Variants in NAT16 observed in about 807,000 individuals in gnomAD.
NAT16 encodes probable N-acetyltransferase 16.
NAT16 carries 16 observed loss-of-function variants against 15.9 expected under a neutral mutation model. The observed-to-expected ratio is 1.01, with a 90% CI of 0.68 to 1.53. The LOEUF is 1.53. Ranked by LOEUF, NAT16 falls within the 40% of genes most tolerant of loss-of-function variation. The probability of loss-of-function intolerance (pLI) is 0.00; values close to 1 mark genes in which losing one functional copy is unlikely to be tolerated. For missense variants in NAT16, 572 were observed against 508.4 expected (o/e 1.13, Z -1.20); for synonymous variants, 260 against 241.9 (o/e 1.07, Z -0.69).
At position 101,173,395 on chromosome 7, in the gene NAT16, C is replaced by T. The variant is rs1797385957; in HGVS notation, c.438G>A (p.Leu146=). 2 of 1,613,868 alleles carry T rather than the reference C, an allele frequency of 1.2e-6. No homozygotes were observed. Among genetic ancestry groups the T allele is most frequent in the East Asian group, 2.2e-5 (1 of 44,874 alleles). Residue 146 remains leucine, a synonymous_variant, in exon 3 of 4, where the codon CTG becomes CTA. Transcript: ENST00000300303. ...TGACCCCCGGGTGCTGTCTCTTGACCAGCTGCGAGCAGAAGCGCTGCAGCA... is the reference window on the plus strand; with the variant it reads ...TGACCCCCGGGTGCTGTCTCTTGACTAGCTGCGAGCAGAAGCGCTGCAGCA... ...AGLLQRFCSQ[L]VKRQHPGVKV... is the part of the protein sequence containing the mutation.
Position 101,174,705 on chromosome 7 carries a change from C to A in NAT16, c.103G>T (p.Glu35Ter), listed in dbSNP as rs1434832979. The change falls in exon 2 of 4, where the codon GAG (glutamate) becomes TAG (stop). Residue 35 changes from glutamate (E) to a stop codon, truncating the protein, a stop_gained. Coordinates refer to ENST00000300303, the MANE Select transcript of NAT16 (RefSeq NM_198571.3). LOFTEE classifies it high-confidence loss of function. ...CCCGACCTGGGCTCGGCCTCCACCT[C>A]CTGTGGCCGGGTTTCAGAGCTTGGC... Reference protein sequence around the residue: ...AEPSSETRPQEVEAEPRSGSG... With the variant: ...AEPSSETRPQ The A allele has an allele frequency of 6.2e-7, 1 of 1,613,340 alleles. No individual in the cohort carries two copies. Among genetic ancestry groups the A allele is most frequent in the South Asian group, 1.1e-5 (1 of 91,086 alleles).
intron 1 of NAT16, among the ~76,000 whole-genome samples, chr7:101,176,035 G>A (rs1797457743): frequency 6.6e-6 from 1 of 151,860 alleles, no homozygotes; most frequent in African/African-American, 2.4e-5. Flanking sequence ...CCACAAGAAA[G>A]TTCCCAGAGA....
chr7:101,173,694 C>T (rs1797397499), intron 2 of NAT16, 174 bp from the exon 3 acceptor site: 3 of 560,318 alleles, frequency 5.4e-6, no homozygotes, highest in Non-Finnish European at 9.2e-6. Flanking sequence ...GCCGGCAGAA[C>T]AGTCATTCGC....
At position 101,175,831 on chromosome 7, in the gene NAT16, A is replaced by G. The variant is rs560117992; in HGVS notation, c.-4-1020T>C. Reference sequence around the variant, plus strand: ...CCAGCTGCTCTGAGGCTGAAGTGGGAGGATCGTTTGAGCCAAGGAGACAAA... The same window carrying G: ...CCAGCTGCTCTGAGGCTGAAGTGGGGGGATCGTTTGAGCCAAGGAGACAAA... On this transcript the variant is annotated intron_variant, in intron 1 of 3. Coordinates refer to ENST00000300303, the MANE Select transcript of NAT16 (RefSeq NM_198571.3). 3.3e-5 allele frequency among the ~76,000 whole-genome samples: 5 copies of G among 151,348 alleles called. No individual in the cohort carries two copies. The South Asian group carries it at 1.0e-3, about 32-fold the overall frequency.
chr7:101,177,898 A>G (rs1797501336), intron 1 of NAT16, among the ~76,000 whole-genome samples: 1 of 152,154 alleles, frequency 6.6e-6, no homozygotes, highest in Non-Finnish European at 1.5e-5. Flanking sequence ...TCTGAGGACA[A>G]TGGGTCCCAG....
At position 101,172,619 on chromosome 7, in the gene NAT16, C is replaced by A; in HGVS notation, c.570G>T (p.Ala190=). The A allele has an allele frequency of 6.6e-7, 1 of 1,524,356 alleles. No homozygotes were observed. Among genetic ancestry groups the A allele is most frequent in the Non-Finnish European group, 8.7e-7 (1 of 1,144,242 alleles). 94.4% of individuals were successfully genotyped at this position (1,524,356 alleles called of 1,614,324 possible). A position where few individuals can be genotyped will look rare whatever the true frequency, so the allele number is the denominator to read the frequency against. The change falls in exon 4 of 4, where the codon GCG becomes GCT. Residue 190 remains alanine, a synonymous_variant. Transcript: ENST00000300303. The surrounding 1 kb of genome is among the most constrained non-coding windows in gnomAD (Gnocchi z 4.2). The stretch of plus-strand genomic sequence containing the variant: ...GCCGCGCGCCCAGCCCGGCCAGCAG[C>A]GCGGACGCGTTGAATCGGACCAAAA... ...GILLVRFNAS[A]LLAGLGARLA...
rs919003765 is a variant in NAT16 at position 101,171,384 on chromosome 7, G to C, written c.*695C>G. On this transcript the variant is annotated 3_prime_UTR_variant, in exon 4 of 4. Transcript: ENST00000300303. ...TACAGTATCACTCTCTCTCTCTCTG[G>C]ATTGCACACTGGGCTGGTGATGGGA... is the stretch of plus-strand genomic sequence containing the variant. 5.9e-5 allele frequency: 9 copies of C among 152,394 alleles called. No individual in the cohort carries two copies. The highest frequency in any genetic ancestry group is 2.2e-4 in the African/African-American group (9 of 41,450). The allele number at this position is 152,394 out of a possible 1,614,324, so 9.4% of individuals were successfully genotyped here. A position where few individuals can be genotyped will look rare whatever the true frequency, so the allele number is the denominator to read the frequency against.
chr7:101,175,549 C>G (rs542449149), intron 1 of NAT16, among the ~76,000 whole-genome samples: 1 of 151,930 alleles, frequency 6.6e-6, no homozygotes, highest in Non-Finnish European at 1.5e-5. Flanking sequence ...AAACTTAGAA[C>G]CCTGTGAGAT....
chr7:101,176,737 C>A (rs1480360715), intron 1 of NAT16, among the ~76,000 whole-genome samples: 1 of 152,038 alleles, frequency 6.6e-6, no homozygotes, highest in East Asian at 1.9e-4. Context: ...CCTGTCTCTT[C>A]CAGATCAGCC....
Position 101,172,077 on chromosome 7 carries a change from C to A in NAT16, c.*2G>T. 1 of 1,602,854 alleles carries A rather than the reference C, an allele frequency of 6.2e-7. No homozygotes were observed. The highest frequency in any genetic ancestry group is 8.5e-7 in the Non-Finnish European group (1 of 1,171,690). ...TTCCCCCTCCCCGCCAGAGGAGAGG[C>A]CTCAGATGTCGGCCTCCAGCAGGTA... is the stretch of plus-strand genomic sequence containing the variant. On this transcript the variant is annotated 3_prime_UTR_variant, in exon 4 of 4. Transcript: ENST00000300303. This position sits in a 1 kb window ranked among gnomAD's most constrained non-coding sequence, Gnocchi z 4.2.
rs961326547 is a variant in NAT16 at position 101,180,283 on chromosome 7, T to A, written c.-246A>T. The A allele has an allele frequency of 6.6e-6, 1 of 152,142 alleles. No individual in the cohort carries two copies. Among genetic ancestry groups the A allele is most frequent in the African/African-American group, 2.4e-5 (1 of 41,408 alleles). The allele number at this position is 152,142 out of a possible 1,614,324, so 9.4% of individuals were successfully genotyped here. ...CCGGGGCGCCCATCGGTTCAGGGGT[T>A]CGGGTGGCACGCGTGGCTCCCCCGG... On this transcript the variant is annotated 5_prime_UTR_variant, in exon 1 of 4. Coordinates refer to ENST00000300303, the MANE Select transcript of NAT16 (RefSeq NM_198571.3).
Position 101,173,427 on chromosome 7 carries a change from C to G in NAT16, c.406G>C (p.Ala136Pro). 6.2e-7 allele frequency: 1 copy of G among 1,612,924 alleles called. No individual in the cohort carries two copies. The highest frequency in any genetic ancestry group is 1.3e-5 in the African/African-American group (1 of 75,038). ...VAPWERGKGV[A>P]GLLQRFCSQL... ...GAGCAGAAGCGCTGCAGCAGCCCGG[C>G]CACGCCCTTCCCGCGCTCCCAGGGC... The change falls in exon 3 of 4, where the codon GCC becomes CCC. Residue 136 changes from alanine (A) to proline (P), a missense_variant. By Grantham distance (27) the Ala-to-Pro change is conservative. Transcript: ENST00000300303.
At chr7:101,178,064 C>T (rs772848178) in intron 1 of NAT16, among the ~76,000 whole-genome samples, 2 of 152,222 alleles carry the variant, frequency 1.3e-5, no homozygotes, top group Non-Finnish European at 2.9e-5. Flanking sequence ...AACCGGTAGA[C>T]TGGAACCCAC....
Position 101,172,674 on chromosome 7 carries a change from C to T in NAT16, c.538-23G>A. The T allele has an allele frequency of 6.9e-7, 1 of 1,453,840 alleles. No homozygotes were observed. The highest frequency in any genetic ancestry group is 9.0e-7 in the Non-Finnish European group (1 of 1,112,158). The allele number at this position is 1,453,840 out of a possible 1,614,324, so 90.1% of individuals were successfully genotyped here. On this transcript the variant is annotated intron_variant, in intron 3 of 3. Coordinates refer to ENST00000300303, the MANE Select transcript of NAT16 (RefSeq NM_198571.3). This position sits in a 1 kb window ranked among gnomAD's most constrained non-coding sequence, Gnocchi z 4.2. ...GCCCTGCGGGGGGCACGAGTGAGCG[C>T]GGGGAGGGGGGGCGCAGCAGGGCTG... is the stretch of plus-strand genomic sequence containing the variant.
chr7:101,179,121 C>G (rs1429543655), intron 1 of NAT16: 1 of 148,484 alleles, frequency 6.7e-6, no homozygotes, highest in Admixed American at 6.7e-5. Context: ...CCCTTGAGGC[C>G]GATGGCTTCT....
intron 1 of NAT16, 93 bp from the exon 2 acceptor site, chr7:101,174,904 C>T: frequency 7.5e-7 from 1 of 1,332,416 alleles, no homozygotes; most frequent in Non-Finnish European, 9.6e-7. Flanking sequence ...CCCCTTCCTA[C>T]ACAAATAGCC....
At position 101,171,932 on chromosome 7, in the gene NAT16, G is replaced by C. The variant is rs1797330738; in HGVS notation, c.*147C>G. ...AGTAAGGGCAAAAGGGACAGAGTGG[G>C]GGGACCTGCGCCGGTAAGGGCAGGA... On this transcript the variant is annotated 3_prime_UTR_variant, in exon 4 of 4. Coordinates refer to ENST00000300303, the MANE Select transcript of NAT16 (RefSeq NM_198571.3). 1.6e-6 allele frequency: 1 copy of C among 617,660 alleles called. No homozygotes were observed. The highest frequency in any genetic ancestry group is 1.9e-5 in the African/African-American group (1 of 53,582). The allele number at this position is 617,660 out of a possible 1,614,324, so 38.3% of individuals were successfully genotyped here.
Position 101,173,373 on chromosome 7 carries a change from C to T in NAT16, c.460G>A (p.Val154Ile), listed in dbSNP as rs758476098. Residue 154 changes from valine (V) to isoleucine (I), a missense_variant, in exon 3 of 4, where the codon GTC (valine) becomes ATC (isoleucine). Val to Ile is a conservative substitution (Grantham distance 29, BLOSUM62 3). Coordinates refer to ENST00000300303, the MANE Select transcript of NAT16 (RefSeq NM_198571.3). ...TCCCGGGTGAGCCGTGCCACCTTGA[C>T]CCCCGGGTGCTGTCTCTTGACCAGC... Reference protein sequence around the residue: ...SQLVKRQHPGVKVARLTRDDQ... With the variant: ...SQLVKRQHPGIKVARLTRDDQ... 3 of 1,614,004 alleles carry T rather than the reference C, an allele frequency of 1.9e-6. No homozygotes were observed. The highest frequency in any genetic ancestry group is 1.1e-5 in the South Asian group (1 of 91,068).
Position 101,171,852 on chromosome 7 carries a change from C to A in NAT16, c.*227G>T. On this transcript the variant is annotated 3_prime_UTR_variant, in exon 4 of 4. Transcript: ENST00000300303. ...CACCCCCAGCCCCCACCTAATAGTC[C>A]GCAAGTTCAGGTCAGGGAGTGGGCA... The A allele has an allele frequency of 1.9e-6, 1 of 529,636 alleles. No homozygotes were observed. Among genetic ancestry groups the A allele is most frequent in the Non-Finnish European group, 3.3e-6 (1 of 302,254 alleles). The allele number at this position is 529,636 out of a possible 1,614,324, so 32.8% of individuals were successfully genotyped here.
Sources: allele counts gnomAD v4.1 joint callset (sites outside exome capture counted in the v4.1 genomes callset), GRCh38; gene constraint gnomAD v4.1.1; non-coding constraint Gnocchi (gnomAD v3.1); transcripts MANE v1.5; gene names NCBI Gene and HGNC (gene_info 2026-07-23, HGNC 2026-07-21).